The following LRRC18 variants were observed in gnomAD, a reference collection of about 807,000 sequenced individuals.
LRRC18 encodes leucine rich repeat containing 18, also known as leucine-rich repeat-containing protein 18.
In LRRC18, 12 loss-of-function variants were observed where a neutral mutation model predicts 11.2. That is an observed-to-expected ratio of 1.07 (90% CI 0.69 to 1.74). The LOEUF (loss-of-function observed/expected upper bound fraction) is 1.74. Among genes scored for constraint, LRRC18 ranks in the 40% most tolerant of loss-of-function variants. LRRC18 has a pLI of 0.00. For synonymous variants in LRRC18, 155 were observed against 130.6 expected (o/e 1.19, Z -1.27); for missense variants, 374 against 330.5 (o/e 1.13, Z -1.02).
intron 1 of LRRC18, among the ~76,000 whole-genome samples, chr10:48,912,120 G>A (rs765655495): frequency 6.6e-5 from 10 of 152,256 alleles, no homozygotes; most frequent in East Asian, 1.9e-4. Flanking sequence ...AGGTGTGAGA[G>A]TGTGGTACAC....
At chr10:48,918,541 A>G (rs746930718), upstream of LRRC18, among the ~76,000 whole-genome samples, 2 of 152,238 alleles carry the variant, frequency 1.3e-5, no homozygotes, top group Non-Finnish European at 2.9e-5. Context: ...CTAAATGTGT[A>G]TGTACCTAAC....
chr10:48,929,094 C>A, the LRRC18 span, among the ~76,000 whole-genome samples: 2 of 152,024 alleles, frequency 1.3e-5, no homozygotes, highest in Non-Finnish European at 2.9e-5. Context: ...GCCAGGAGGG[C>A]CATCTTTGAG....
chr10:48,932,289 C>G, the LRRC18 span, among the ~76,000 whole-genome samples: 3 of 152,184 alleles, frequency 2.0e-5, no homozygotes, highest in African/African-American at 7.2e-5. Context: ...CTCCCTCAAA[C>G]CAGCTGCTCT....
At chr10:48,910,189 C>CGTGTTTT in exon 2 of LRRC18, 18 of 1,478,438 alleles carry the variant, frequency 1.2e-5, no homozygotes, top group Non-Finnish European at 1.5e-5. Context: ...TCTTCAGAGT[C>CGTGTTTT]GTTTATTCTG....
the LRRC18 span, among the ~76,000 whole-genome samples, chr10:48,936,279 C>A: frequency 2.0e-5 from 3 of 151,542 alleles, no homozygotes; most frequent in African/African-American, 7.3e-5. Context: ...TGTTTTAAGT[C>A]CAAAAAATAA....
the LRRC18 span, among the ~76,000 whole-genome samples, chr10:48,923,412 A>G: frequency 2.0e-5 from 3 of 151,090 alleles, no homozygotes; most frequent in Admixed American, 6.6e-5. Context: ...GCTTCTCCCC[A>G]TGGTAGATTT....
chr10:48,922,951 C>G, the LRRC18 span, among the ~76,000 whole-genome samples: 1 of 152,102 alleles, frequency 6.6e-6, no homozygotes, highest in Non-Finnish European at 1.5e-5. Flanking sequence ...CTGCCTGCAC[C>G]CTGACAGTGA....
chr10:48,929,599 G>A, the LRRC18 span, among the ~76,000 whole-genome samples: 1 of 152,212 alleles, frequency 6.6e-6, no homozygotes, highest in Admixed American at 6.5e-5. Context: ...AGCCCACCTA[G>A]TCTCATTGCT....
At chr10:48,932,584 G>A in the LRRC18 span, 1 of 151,578 alleles carries the variant, frequency 6.6e-6, no homozygotes, top group African/African-American at 2.4e-5. Flanking sequence ...CAGTGGATAT[G>A]CAGTGAGCAA....
chr10:48,914,213 T>G, exon 1 of LRRC18: 1 of 1,531,264 alleles, frequency 6.5e-7, no homozygotes, highest in Admixed American at 2.0e-5. Context: ...GTGATCAGTG[T>G]GAGGAAAAAT....
upstream of LRRC18, among the ~76,000 whole-genome samples, chr10:48,915,343 G>T (rs1356507344): frequency 6.6e-6 from 1 of 152,042 alleles, no homozygotes; most frequent in Non-Finnish European, 1.5e-5. Flanking sequence ...GCCAGGAAGA[G>T]GACGCAACTC....
the LRRC18 span, among the ~76,000 whole-genome samples, chr10:48,921,673 A>G: frequency 6.6e-6 from 1 of 152,226 alleles, no homozygotes; most frequent in East Asian, 1.9e-4. Flanking sequence ...AATCATATAT[A>G]TCATAGATAT....
chr10:48,932,005 G>A, the LRRC18 span, among the ~76,000 whole-genome samples: 1 of 152,210 alleles, frequency 6.6e-6, no homozygotes, highest in African/African-American at 2.4e-5. Flanking sequence ...AGGCTGCAGG[G>A]AGCATGGGAG....
exon 1 of LRRC18, chr10:48,914,043 C>T: frequency 6.2e-7 from 1 of 1,614,156 alleles, no homozygotes; most frequent in Non-Finnish European, 8.5e-7. Context: ...GGTGGTAATT[C>T]CCATCTTGCT....
At chr10:48,916,213 C>A (rs1416559977), upstream of LRRC18, among the ~76,000 whole-genome samples, 3 of 152,184 alleles carry the variant, frequency 2.0e-5, no homozygotes, top group Non-Finnish European at 4.4e-5. Context: ...TTTCTCTTGG[C>A]TTGGACTCAA....
chr10:48,914,816 G>A (rs1838356938), upstream of LRRC18, among the ~76,000 whole-genome samples: 1 of 152,170 alleles, frequency 6.6e-6, no homozygotes, highest in African/African-American at 2.4e-5. Context: ...GGATATCAGG[G>A]TGTGCCATTG....
the LRRC18 span, among the ~76,000 whole-genome samples, chr10:48,932,302 G>A: frequency 6.6e-6 from 1 of 152,214 alleles, no homozygotes; most frequent in Non-Finnish European, 1.5e-5. Context: ...GCTGCTCTGG[G>A]CCACTCCCCA....
At chr10:48,913,609 C>T (rs779411455) in exon 1 of LRRC18, 3 of 1,614,114 alleles carry the variant, frequency 1.9e-6, no homozygotes, top group Non-Finnish European at 2.5e-6. Flanking sequence ...TCCGACTCAC[C>T]TGGCTTTGGA....
At chr10:48,923,496 G>GATATATATATATATA in the LRRC18 span, among the ~76,000 whole-genome samples, 1 of 63,214 alleles carries the variant, frequency 1.6e-5, no homozygotes, top group African/African-American at 3.5e-5. Flanking sequence ...ATAGTTTTTA[G>GATATATATATATATA]TATATATATA....
Sources: allele counts gnomAD v4.1 joint callset (sites outside exome capture counted in the v4.1 genomes callset), GRCh38; gene constraint gnomAD v4.1.1; transcripts MANE v1.5; gene names NCBI Gene and HGNC (gene_info 2026-07-23, HGNC 2026-07-21).